The following VILL variants were observed in gnomAD, a reference collection of about 807,000 sequenced individuals.
VILL encodes villin-like protein.
VILL carries 102 observed loss-of-function variants against 106.3 expected under a neutral mutation model. That is an observed-to-expected ratio of 0.96 (90% CI 0.82 to 1.13). The LOEUF is 1.13. Among genes scored for constraint, VILL ranks in the 50% most tolerant of loss-of-function variants. The pLI, the probability that VILL is intolerant of heterozygous loss-of-function variation, is 0.00. For synonymous variants in VILL, 431 were observed against 440.3 expected, an observed-to-expected ratio of 0.98 and a Z score of 0.27; for missense variants, 1,076 against 1,116.6, an observed-to-expected ratio of 0.96 and a Z score of 0.52.
At chr3:38,006,279 C>T in intron 18 of VILL, 27 bp downstream of exon 18, 2 of 1,614,022 alleles carry the variant, frequency 1.2e-6, no homozygotes, top group Admixed American at 1.7e-5. Flanking sequence ...CTAGCCTTCC[C>T]CACAGTGGCC....
rs745931861 is a variant in VILL at position 38,003,283 on chromosome 3, G to A, written c.1775G>A (p.Gly592Glu). 4 of 1,612,706 alleles carry A rather than the reference G, an allele frequency of 2.5e-6. No homozygotes were observed. Among genetic ancestry groups the A allele is most frequent in the East Asian group, 4.5e-5 (2 of 44,860 alleles). ...CCTCCCCACTTCTGGGAGGCCCTGGGAGGCCGGGCCCCCTACCCCAGCAAC... is the reference window on the plus strand; with the variant it reads ...CCTCCCCACTTCTGGGAGGCCCTGGAAGGCCGGGCCCCCTACCCCAGCAAC... ...QEPPHFWEAL[G>E]GRAPYPSNKR... The change falls in exon 15 of 20, where the codon GGA becomes GAA. Residue 592 changes from glycine to glutamate, a missense_variant. Transcript: ENST00000383759.
Position 38,003,275 on chromosome 3 carries a change from G to A in VILL, c.1767G>A (p.Glu589=), listed in dbSNP as rs375914532. Residue 589 remains glutamate, a synonymous_variant, in exon 15 of 20, where the codon GAG becomes GAA. Transcript: ENST00000383759. The part of the protein sequence containing the change: ...LEGQEPPHFW[E]ALGGRAPYPS... ...GTCAGGAGCCTCCCCACTTCTGGGA[G>A]GCCCTGGGAGGCCGGGCCCCCTACC... is the stretch of plus-strand genomic sequence containing the variant. 44 of 1,613,126 alleles carry A rather than the reference G, an allele frequency of 2.7e-5. No homozygotes were observed. The highest frequency in any genetic ancestry group is 3.6e-5 in the Non-Finnish European group (42 of 1,179,662).
rs940226753 is a variant in VILL at position 37,994,061 on chromosome 3, A to G, written c.135+89A>G. Reference sequence around the variant, plus strand: ...CACAGGCATAAACTCTGCCCTGGGAAGCGGCAAGTTGAGAGCCGGAGAATC... The same window carrying G: ...CACAGGCATAAACTCTGCCCTGGGAGGCGGCAAGTTGAGAGCCGGAGAATC... On this transcript the variant is annotated intron_variant, in intron 3 of 19. Transcript: ENST00000383759. The G allele has an allele frequency of 1.9e-6, 3 of 1,551,416 alleles. No homozygotes were observed. In the African/African-American group the frequency reaches 4.1e-5, roughly 21 times the overall value.
chr3:37,994,189 G>T (rs1361199538), intron 3 of VILL, 72 bp from the exon 4 acceptor site: 1 of 1,532,226 alleles, frequency 6.5e-7, no homozygotes, highest in East Asian at 2.4e-5. Flanking sequence ...ATGGCCCTTG[G>T]TACATCCTCC....
intron 5 of VILL, among the ~76,000 whole-genome samples, chr3:37,996,203 G>T (rs1478289444): frequency 6.6e-6 from 1 of 152,144 alleles, no homozygotes; most frequent in Admixed American, 6.5e-5. Context: ...AACAAAAAAA[G>T]AACTTGGGCA....
rs1430082822 is a variant in VILL, at chr3:38,005,710, A to G, written c.1951-82A>G. On this transcript the variant is annotated intron_variant, in intron 16 of 19. Coordinates refer to ENST00000383759, the MANE Select transcript of VILL (RefSeq NM_015873.4). ...TGTATGTGGGGTTCTGTCTGGGACA[A>G]CTGGACAGGGAGTGGACAGGAAGGG... 4.1e-6 allele frequency: 6 copies of G among 1,467,528 alleles called. No individual in the cohort carries two copies. In the East Asian group the frequency reaches 1.1e-4, roughly 28 times the overall value. 90.9% of individuals were successfully genotyped at this position (1,467,528 alleles called of 1,614,324 possible).
intron 5 of VILL, among the ~76,000 whole-genome samples, chr3:37,996,817 G>A (rs1699709480): frequency 6.6e-6 from 1 of 152,174 alleles, no homozygotes; most frequent in Admixed American, 6.5e-5. Flanking sequence ...ATGTGTATAT[G>A]CACACACACA....
chr3:38,005,792 A>C lies in VILL; in HGVS notation c.1951A>C (p.Ile651Leu), dbSNP rs763253099. The C allele has an allele frequency of 8.1e-6, 13 of 1,608,176 alleles. No individual in the cohort carries two copies. The highest frequency in any genetic ancestry group is 7.6e-6 in the Non-Finnish European group (9 of 1,176,956). Reference protein sequence around the residue: ...DIMLLDTWQEIFLWLGEAASE... With the variant: ...DIMLLDTWQELFLWLGEAASE... ...AGGCCAGGTCCCCTCTGTGGCTCAG[A>C]TCTTCCTGTGGCTTGGGGAAGCTGC... The change falls in exon 17 of 20, where the codon ATC becomes CTC. Residue 651 changes from isoleucine (I) to leucine (L), a missense_variant and splice_region_variant. By Grantham distance (5) the Ile-to-Leu change is conservative. Transcript: ENST00000383759.
Position 37,994,266 on chromosome 3 carries a change from C to T in VILL, c.141C>T (p.Pro47=). 1 of 1,607,444 alleles carries T rather than the reference C, an allele frequency of 6.2e-7. No individual in the cohort carries two copies. Among genetic ancestry groups the T allele is most frequent in the Non-Finnish European group, 8.5e-7 (1 of 1,178,882 alleles). Residue 47 remains proline (P), a synonymous_variant, in exon 4 of 20, where the codon CCC becomes CCT. Transcript: ENST00000383759. ...EEHCYVILHV[P]QSPKATQGAS... Reference sequence around the variant, plus strand: ...CACAAACACCCGGACCCTAGGTCCCCCAGAGCCCGAAGGCCACGCAGGGGG... The same window carrying T: ...CACAAACACCCGGACCCTAGGTCCCTCAGAGCCCGAAGGCCACGCAGGGGG...
At chr3:37,999,294 G>C (rs201408304) in intron 10 of VILL, 45 bp from the exon 11 acceptor site, 93 of 1,418,398 alleles carry the variant, frequency 6.6e-5, no homozygotes, top group Middle Eastern at 2.0e-4. Context: ...GATGGTGTTG[G>C]GGGGGGGCAG....
At chr3:37,994,064 G>A (rs1699654665) in intron 3 of VILL, 92 bp downstream of exon 3, 1 of 1,538,574 alleles carries the variant, frequency 6.5e-7, no homozygotes, top group Non-Finnish European at 9.0e-7. Flanking sequence ...CCTGGGAAGC[G>A]GCAAGTTGAG....
intron 10 of VILL, 141 bp from the exon 11 acceptor site, chr3:37,999,198 T>C (rs1264596956): frequency 9.1e-6 from 11 of 1,213,810 alleles, no homozygotes; most frequent in Admixed American, 3.3e-5. Flanking sequence ...GAACAGAGCC[T>C]CAGGATGAGG....
Position 38,006,419 on chromosome 3 carries a change from T to G in VILL, c.2206-30T>G, listed in dbSNP as rs770058560. On this transcript the variant is annotated intron_variant, in intron 18 of 19. Coordinates refer to ENST00000383759, the MANE Select transcript of VILL (RefSeq NM_015873.4). ...CCCTGTGGGCTACTGATTCCCCATC[T>G]TCCCCAGCCTGAGGCTCCTCTCTGG... is the stretch of plus-strand genomic sequence containing the variant. The G allele has an allele frequency of 3.2e-5, 51 of 1,580,118 alleles. 1 individual carries two copies. The South Asian group carries it at 5.1e-4, about 16-fold the overall frequency.
chr3:37,990,009 A>C (rs1279422588), upstream of VILL, among the ~76,000 whole-genome samples: 1 of 152,210 alleles, frequency 6.6e-6, no homozygotes, highest in Non-Finnish European at 1.5e-5. This position sits in a 1 kb window ranked among gnomAD's most constrained non-coding sequence, Gnocchi z 5.1. Flanking sequence ...GGCAGTGGGC[A>C]GGCTTTAGCA....
rs763200790 is a variant in VILL at position 38,004,390 on chromosome 3, C to T, written c.1941C>T (p.Thr647=). 4.4e-6 allele frequency: 7 copies of T among 1,605,766 alleles called. No individual in the cohort carries two copies. The highest frequency in any genetic ancestry group is 2.2e-5 in the South Asian group (2 of 90,892). The change falls in exon 16 of 20, where the codon ACC becomes ACT. Residue 647 remains threonine (T), a synonymous_variant. Transcript: ENST00000383759. ...LDKYDIMLLD[T]WQEIFLWLGE... is the part of the protein sequence containing the mutation. ...AGTATGACATCATGTTACTGGACAC[C>T]TGGCAGGAGGTAAGGTGGCCATCCC...
At chr3:38,005,060 C>T (rs1699889818) in intron 16 of VILL, among the ~76,000 whole-genome samples, 1 of 151,878 alleles carries the variant, frequency 6.6e-6, no homozygotes, top group South Asian at 2.1e-4. Context: ...CAGTGTGTGG[C>T]TATGGTTTGC....
chr3:38,005,899 C>G lies in VILL; in HGVS notation c.2058C>G (p.Ile686Met), dbSNP rs759852804. 11 of 1,614,172 alleles carry G rather than the reference C, an allele frequency of 6.8e-6. No homozygotes were observed. Among genetic ancestry groups the G allele is most frequent in the South Asian group, 1.1e-5 (1 of 91,084 alleles). ...CAGGGAGGAGCCCGGCCACACCCAT[C>G]GTGCTGGTCAAGCAGGGCCATGAGC... is the stretch of plus-strand genomic sequence containing the variant. The part of the protein sequence containing the change: ...HPAGRSPATP[I>M]VLVKQGHEPP... The change falls in exon 17 of 20, where the codon ATC (isoleucine) becomes ATG (methionine). Residue 686 changes from isoleucine (I) to methionine (M), a missense_variant. By Grantham distance (10) the Ile-to-Met change is conservative (BLOSUM62 1). Coordinates refer to ENST00000383759, the MANE Select transcript of VILL (RefSeq NM_015873.4).
intron 1 of VILL, among the ~76,000 whole-genome samples, chr3:37,992,363 A>G (rs1699622589): frequency 6.6e-6 from 1 of 151,956 alleles, no homozygotes; most frequent in African/African-American, 2.4e-5. Context: ...CATGGCCACT[A>G]TGTCTGCCTG....
At chr3:38,006,276 T>C (rs1486044029) in intron 18 of VILL, 24 bp downstream of exon 18, 1 of 1,613,960 alleles carries the variant, frequency 6.2e-7, no homozygotes, top group Non-Finnish European at 8.5e-7. Context: ...CCCCTAGCCT[T>C]CCCCACAGTG....
Sources: gnomAD v4.1 joint callset for allele counts (sites outside exome capture counted in the v4.1 genomes callset) on GRCh38, gnomAD v4.1.1 for gene constraint, Gnocchi (gnomAD v3.1) non-coding constraint, MANE v1.5 for transcripts, NCBI Gene and HGNC (gene_info 2026-07-23, HGNC 2026-07-21) for gene names.